The following CISH variants were observed in gnomAD, a reference collection of about 807,000 sequenced individuals.
The protein encoded by CISH is cytokine-inducible SH2-containing protein.
CISH carries 11 observed loss-of-function variants against 21.3 expected under a neutral mutation model. The observed-to-expected ratio is 0.52, with a 90% confidence interval of 0.32 to 0.85. The LOEUF (loss-of-function observed/expected upper bound fraction) is 0.85, where lower values mean the gene tolerates loss of function less well. CISH is among the 40% of genes least tolerant of loss of function. The pLI is 0.03. For missense variants in CISH, 280 were observed against 351.7 expected, an observed-to-expected ratio of 0.80 and a Z score of 1.63; for synonymous variants, 118 against 142.3, an observed-to-expected ratio of 0.83 and a Z score of 1.22.
rs1474507293 is a variant in CISH, at chr3:50,608,443, C to G, written c.171G>C (p.Glu57Asp). 2 of 1,613,698 alleles carry G rather than the reference C, an allele frequency of 1.2e-6. No individual in the cohort carries two copies. Among genetic ancestry groups the G allele is most frequent in the Non-Finnish European group, 1.7e-6 (2 of 1,179,878 alleles). The change falls in exon 2 of 3, where the codon GAG (glutamate) becomes GAC (aspartate). Residue 57 changes from glutamate (E) to aspartate (D), a missense_variant. Physicochemically the swap from Glu to Asp is conservative, Grantham distance 45. Coordinates refer to ENST00000348721, the MANE Select transcript of CISH (RefSeq NM_145071.4). ...AEGTPAQTES[E>D]PKVLDPEEDL... ...CCTCCTCTGGGTCCAGCACCTTTGG[C>G]TCACTCTCTGTCTGGGCTGGGGTAC... is the stretch of plus-strand genomic sequence containing the variant.
intron 1 of CISH, 103 bp from the exon 2 acceptor site, chr3:50,608,696 T>A: frequency 1.3e-6 from 1 of 789,222 alleles, no homozygotes; most frequent in Non-Finnish European, 1.8e-6. Flanking sequence ...GGCTGGCCCA[T>A]CTCACTATGA....
chr3:50,608,921 T>A, intron 1 of CISH: 2 of 286,706 alleles, frequency 7.0e-6, no homozygotes, highest in Non-Finnish European at 1.3e-5. Context: ...TGTCTAATGT[T>A]CTCACCACAC....
Position 50,608,131 on chromosome 3 carries a change from C to G in CISH, c.253G>C (p.Gly85Arg), listed in dbSNP as rs2032214356. The change falls in exon 3 of 3, where the codon GGT becomes CGT. Residue 85 changes from glycine (G) to arginine (R), a missense_variant. Physicochemically the swap from Gly to Arg is moderately radical, Grantham distance 125. Transcript: ENST00000348721. ...CGGGCCTCGCTGGCCGTAATGGAAC[C>G]CCAATACCAGCCTAGGCAAGTGCAG... Reference protein sequence around the residue: ...SYLRESGWYWGSITASEARQH... With the variant: ...SYLRESGWYWRSITASEARQH... The G allele has an allele frequency of 6.2e-7, 1 of 1,604,446 alleles. No individual in the cohort carries two copies. The highest frequency in any genetic ancestry group is 1.7e-5 in the Admixed American group (1 of 59,722).
Position 50,611,655 on chromosome 3 carries a change from C to T in CISH, c.-5G>A. 1.3e-6 allele frequency: 2 copies of T among 1,489,782 alleles called. No individual in the cohort carries two copies. The highest frequency in any genetic ancestry group is 1.8e-6 in the Non-Finnish European group (2 of 1,119,864). The allele number at this position is 1,489,782 out of a possible 1,614,324, so 92.3% of individuals were successfully genotyped here. A position where few individuals can be genotyped will look rare whatever the true frequency, so the allele number is the denominator to read the frequency against. ...CCCCTGAACGCAGAGGACCATGTCC[C>T]CGCGGCAGCGGCGACTCCGGAGTGG... On this transcript the variant is annotated 5_prime_UTR_variant, in exon 1 of 3. Coordinates refer to ENST00000348721, the MANE Select transcript of CISH (RefSeq NM_145071.4).
chr3:50,608,680 A>C, intron 1 of CISH, 87 bp from the exon 2 acceptor site: 2 of 979,360 alleles, frequency 2.0e-6, no homozygotes, highest in Non-Finnish European at 1.4e-6. Flanking sequence ...TAGTTTCATG[A>C]CCTCTGGCTG....
intron 1 of CISH, chr3:50,610,259 A>G (rs1291862622): frequency 8.1e-7 from 1 of 1,234,232 alleles, no homozygotes; most frequent in Non-Finnish European, 1.2e-6. Context: ...ACGTCCAGAT[A>G]GCTTAGCCGG....
chr3:50,611,578 T>C, intron 1 of CISH, 53 bp downstream of exon 1: 1 of 1,524,582 alleles, frequency 6.6e-7, no homozygotes, highest in Non-Finnish European at 8.8e-7. Flanking sequence ...AAGCCCCTGT[T>C]CTCCCGTGCG....
In CISH at chr3:50,608,468, C is replaced by T; in HGVS notation, c.146G>A (p.Gly49Asp). Reference protein sequence around the residue: ...AGAFLEEVAEGTPAQTESEPK... With the variant: ...AGAFLEEVAEDTPAQTESEPK... ...CTCACTCTCTGTCTGGGCTGGGGTA[C>T]CCTCTGCCACCTCCTCGAGGAAGGC... Residue 49 changes from glycine (G) to aspartate (D), a missense_variant, in exon 2 of 3, where the codon GGT (glycine) becomes GAT (aspartate). Gly to Asp is a moderately conservative substitution (Grantham distance 94). Transcript: ENST00000348721. 2.5e-6 allele frequency: 4 copies of T among 1,613,588 alleles called. No individual in the cohort carries two copies. The highest frequency in any genetic ancestry group is 3.4e-6 in the Non-Finnish European group (4 of 1,179,796).
At position 50,611,728 on chromosome 3, in the gene CISH, C is replaced by A. The variant is rs2032333382; in HGVS notation, c.-78G>T. ...CTGGAGGGAACCAGTGGGCGCGGAGCGCGTGCTGGGTAGGCTCCCGGGGCG... is the reference window on the plus strand; with the variant it reads ...CTGGAGGGAACCAGTGGGCGCGGAGAGCGTGCTGGGTAGGCTCCCGGGGCG... On this transcript the variant is annotated 5_prime_UTR_variant, in exon 1 of 3. Coordinates refer to ENST00000348721, the MANE Select transcript of CISH (RefSeq NM_145071.4). 7.1e-7 allele frequency: 1 copy of A among 1,418,324 alleles called. No individual in the cohort carries two copies. The highest frequency in any genetic ancestry group is 2.3e-4 in the Middle Eastern group (1 of 4,416). 87.9% of individuals were successfully genotyped at this position (1,418,324 alleles called of 1,614,324 possible). A position where few individuals can be genotyped will look rare whatever the true frequency, so the allele number is the denominator to read the frequency against.
chr3:50,608,460 C>G lies in CISH; in HGVS notation c.154G>C (p.Ala52Pro). The change falls in exon 2 of 3, where the codon GCC (alanine) becomes CCC (proline). Residue 52 changes from alanine to proline, a missense_variant. Physicochemically the swap from Ala to Pro is conservative, Grantham distance 27. Coordinates refer to ENST00000348721, the MANE Select transcript of CISH (RefSeq NM_145071.4). The stretch of plus-strand genomic sequence containing the variant: ...ACCTTTGGCTCACTCTCTGTCTGGG[C>G]TGGGGTACCCTCTGCCACCTCCTCG... ...FLEEVAEGTPAQTESEPKVLD... is the reference protein window; with the variant it reads ...FLEEVAEGTPPQTESEPKVLD... 1 of 1,613,708 alleles carries G rather than the reference C, an allele frequency of 6.2e-7. No individual in the cohort carries two copies. Among genetic ancestry groups the G allele is most frequent in the Non-Finnish European group, 8.5e-7 (1 of 1,179,842 alleles).
At chr3:50,610,869 T>C (rs2032304208) in intron 1 of CISH, 2 of 1,050,738 alleles carry the variant, frequency 1.9e-6, no homozygotes, top group Non-Finnish European at 2.3e-6. Context: ...GACCCTTTGG[T>C]TGAAGGGGTT....
intron 2 of CISH, 30 bp from the exon 3 acceptor site, chr3:50,608,172 A>G (rs2032215705): frequency 6.4e-7 from 1 of 1,574,702 alleles, no homozygotes; most frequent in East Asian, 2.3e-5. Context: ...GCCAAGGGAC[A>G]TAGTGGAAAT....
chr3:50,608,910 A>G (rs942428280), intron 1 of CISH: 1 of 306,150 alleles, frequency 3.3e-6, no homozygotes, highest in Admixed American at 5.0e-5. Context: ...CCCTATAGGC[A>G]TGTCTAATGT....
rs2032236188 is a variant in CISH, at chr3:50,608,649, A to G, written c.21-56T>C. On this transcript the variant is annotated intron_variant, in intron 1 of 2. Coordinates refer to ENST00000348721, the MANE Select transcript of CISH (RefSeq NM_145071.4). ...GGACCCATGCTTCCCCCATCTCCAG[A>G]GACCCCCCTATGCCCCAGACTAGTT... 8.6e-6 allele frequency: 11 copies of G among 1,284,630 alleles called. No individual in the cohort carries two copies. The South Asian group carries it at 1.2e-4, about 14-fold the overall frequency. The allele number at this position is 1,284,630 out of a possible 1,614,324, so 79.6% of individuals were successfully genotyped here.
chr3:50,611,291 C>T (rs114161669), intron 1 of CISH: 75,515 of 1,255,952 alleles, frequency 0.06, 2,502 homozygotes, highest in Non-Finnish European at 0.066. Flanking sequence ...GTGCTCTGGG[C>T]CCAGAAGAAT....
rs1460288628 is a variant in CISH at position 50,608,245 on chromosome 3, G to T, written c.242-103C>A. The T allele has an allele frequency of 4.0e-6, 6 of 1,490,190 alleles. No homozygotes were observed. The Admixed American group carries it at 1.2e-4, about 29-fold the overall frequency. 92.3% of individuals were successfully genotyped at this position (1,490,190 alleles called of 1,614,324 possible). A position where few individuals can be genotyped will look rare whatever the true frequency, so the allele number is the denominator to read the frequency against. Reference sequence around the variant, plus strand: ...GCCTCCAGCTTCACGCTTCCCTAGAGAGGGCTGTGCCTCTCCCATCAGACT... The same window carrying T: ...GCCTCCAGCTTCACGCTTCCCTAGATAGGGCTGTGCCTCTCCCATCAGACT... On this transcript the variant is annotated intron_variant, in intron 2 of 2. Transcript: ENST00000348721.
Position 50,607,979 on chromosome 3 carries a change from G to T in CISH, c.405C>A (p.Asp135Glu). ...AGTTGGAGTCCAGACGGAAGCTGGA[G>T]TCGGCATACTCAATGCGTACATTGG... ...GPTNVRIEYADSSFRLDSNCL... is the reference protein window; with the variant it reads ...GPTNVRIEYAESSFRLDSNCL... Residue 135 changes from aspartate (D) to glutamate (E), a missense_variant, in exon 3 of 3, where the codon GAC (aspartate) becomes GAA (glutamate). Transcript: ENST00000348721. 1 of 1,614,096 alleles carries T rather than the reference G, an allele frequency of 6.2e-7. No individual in the cohort carries two copies. The highest frequency in any genetic ancestry group is 8.5e-7 in the Non-Finnish European group (1 of 1,180,034).
rs2032231696 is a variant in CISH at position 50,608,543 on chromosome 3, G to A, written c.71C>T (p.Ala24Val). 6.3e-7 allele frequency: 1 copy of A among 1,592,094 alleles called. No individual in the cohort carries two copies. Among genetic ancestry groups the A allele is most frequent in the African/African-American group, 1.3e-5 (1 of 74,340 alleles). ...TGGCTTGGGCAGTTCCAGGGACGGGGCCCACAGGGGCCGCTGCCCAGTCCG... is the reference window on the plus strand; with the variant it reads ...TGGCTTGGGCAGTTCCAGGGACGGGACCCACAGGGGCCGCTGCCCAGTCCG... ...VERTGQRPLW[A>V]PSLELPKPVM... The change falls in exon 2 of 3, where the codon GCC (alanine) becomes GTC (valine). Residue 24 changes from alanine (A) to valine (V), a missense_variant. Physicochemically the swap from Ala to Val is moderately conservative, Grantham distance 64. Transcript: ENST00000348721.
intron 1 of CISH, chr3:50,611,337 T>C: frequency 7.5e-7 from 1 of 1,329,798 alleles, no homozygotes; most frequent in Non-Finnish European, 9.6e-7. Flanking sequence ...GGGGACGCCG[T>C]GCCGTTAGCA....
Sources: allele counts gnomAD v4.1 joint callset, GRCh38; gene constraint gnomAD v4.1.1; transcripts MANE v1.5; gene names NCBI Gene and HGNC (gene_info 2026-07-23, HGNC 2026-07-21).